AATK: variants seen among roughly 807,000 people sequenced by gnomAD.
AATK encodes serine/threonine-protein kinase LMTK1.
AATK carries 91 observed loss-of-function variants against 114.3 expected under a neutral mutation model. That is an observed-to-expected ratio of 0.80 (90% CI 0.67 to 0.95). The LOEUF (loss-of-function observed/expected upper bound fraction) is 0.95. Among genes scored for constraint, AATK ranks in the 40% least tolerant of loss-of-function variants. The probability of loss-of-function intolerance (pLI) is 0.00; values close to 1 mark genes in which losing one functional copy is unlikely to be tolerated. For missense variants in AATK, 2,176 were observed against 1,965.2 expected (o/e 1.11, Z -2.03); for synonymous variants, 1,075 against 916.5 (o/e 1.17, Z -3.12).
chr17:81,125,901 A>G, intron 7 of AATK: 1 of 471,548 alleles, frequency 2.1e-6, no homozygotes, highest in Non-Finnish European at 4.4e-6. Flanking sequence ...AAAATCACTG[A>G]TGCTGGAGTC....
At chr17:81,165,687 C>A (rs765119924) in intron 1 of AATK, 2 of 1,513,876 alleles carry the variant, frequency 1.3e-6, no homozygotes, top group South Asian at 2.4e-5. Flanking sequence ...GTTACCTGTG[C>A]CCTGGAGGCA....
intron 1 of AATK, among the ~76,000 whole-genome samples, chr17:81,163,270 A>G (rs2061446197): frequency 6.6e-6 from 1 of 152,124 alleles, no homozygotes; most frequent in South Asian, 2.1e-4. Flanking sequence ...CGCACCAGGG[A>G]AGGTGAAGGC....
In AATK at chr17:81,143,634, A is replaced by G. The variant is rs530051074; in HGVS notation, c.56-9133T>C. On this transcript the variant is annotated intron_variant, in intron 1 of 13. Coordinates refer to ENST00000326724, the MANE Select transcript of AATK (RefSeq NM_001080395.3). ...GCCTCCTCGACCCCTCTGGCTTCAC[A>G]GCCTCTCTCCTCAGCACGTCGCCCC... Among the ~76,000 whole-genome samples, 9 of 151,268 alleles carry G rather than the reference A, an allele frequency of 5.9e-5. No homozygotes were observed. The East Asian group carries it at 1.8e-3, about 30-fold the overall frequency.
chr17:81,131,134 C>T lies in AATK; in HGVS notation c.261G>A (p.Gln87=), dbSNP rs1343174007. Residue 87 remains glutamine, a synonymous_variant, in exon 3 of 14, where the codon CAG becomes CAA. Transcript: ENST00000326724. The stretch of plus-strand genomic sequence containing the variant: ...GCAGGACGTACACGTCGGGCCCGTT[C>T]TGTGCTGCCGTGGCCGGGGAGCCCT... The part of the protein sequence containing the change: ...LAQGSPATAA[Q]NGPDVYVLPL... 3 of 1,571,182 alleles carry T rather than the reference C, an allele frequency of 1.9e-6. No individual in the cohort carries two copies. The South Asian group carries it at 3.5e-5, about 18-fold the overall frequency.
intron 1 of AATK, among the ~76,000 whole-genome samples, chr17:81,155,694 C>CT (rs74524013): frequency 5.8e-4 from 80 of 138,630 alleles, no homozygotes; most frequent in Admixed American, 6.3e-4. Context: ...TATAATATTT[C>CT]TTTTTTTTTT....
intron 3 of AATK, among the ~76,000 whole-genome samples, chr17:81,129,078 G>A (rs2060891856): frequency 6.6e-6 from 1 of 152,212 alleles, no homozygotes; most frequent in Admixed American, 6.5e-5. Context: ...CGGGAGGAAG[G>A]GTCAGTGAGG....
intron 3 of AATK, 133 bp downstream of exon 3, chr17:81,130,928 A>G (rs537870291): frequency 4.0e-5 from 46 of 1,145,046 alleles, no homozygotes; most frequent in Middle Eastern, 6.0e-4. Context: ...CACTGCGTCT[A>G]CCCCACAGGC....
At chr17:81,165,797 G>T in intron 1 of AATK, 141 bp downstream of exon 1, 1 of 1,503,752 alleles carries the variant, frequency 6.7e-7, no homozygotes, top group Non-Finnish European at 8.9e-7. Flanking sequence ...GGGCCGCCAG[G>T]GGGTCCGGCT....
rs1208460173 is a variant in AATK at position 81,122,676 on chromosome 17, G to C, written c.1260C>G (p.Gly420=). 1 of 1,521,928 alleles carries C rather than the reference G, an allele frequency of 6.6e-7. No homozygotes were observed. Among genetic ancestry groups the C allele is most frequent in the Non-Finnish European group, 8.8e-7 (1 of 1,131,856 alleles). The allele number at this position is 1,521,928 out of a possible 1,614,324, so 94.3% of individuals were successfully genotyped here. ...CGGGCCCGGGCCCCACGCCGCCCCC[G>C]CCGGGCCGCAGAGAGCGCCAGCGCC... is the stretch of plus-strand genomic sequence containing the variant. ...FERRWRSLRP[G]GGGVGPGPGA... Residue 420 remains glycine, a synonymous_variant, in exon 11 of 14, where the codon GGC becomes GGG. Coordinates refer to ENST00000326724, the MANE Select transcript of AATK (RefSeq NM_001080395.3).
chr17:81,140,684 CGTGGGGCCGTTGAGCT>C (rs1389921868), intron 1 of AATK, among the ~76,000 whole-genome samples: 2 of 107,914 alleles, frequency 1.9e-5, no homozygotes, highest in Non-Finnish European at 3.9e-5. Context: ...ACCATGGGGC[CGTGGGGCCGTTGAGCT>C]GTGGGGCGGT....
chr17:81,124,537 C>T (rs968518939), intron 9 of AATK, among the ~76,000 whole-genome samples, 190 bp downstream of exon 9: 4 of 152,218 alleles, frequency 2.6e-5, no homozygotes, highest in African/African-American at 7.2e-5. Flanking sequence ...GTCCCTGGGG[C>T]ACCCTGTCAG....
intron 1 of AATK, among the ~76,000 whole-genome samples, chr17:81,160,578 C>T (rs1327980679): frequency 6.6e-6 from 1 of 152,228 alleles, no homozygotes; most frequent in Non-Finnish European, 1.5e-5. Context: ...CCAAAGCCCT[C>T]CTGTCACTGT....
Position 81,120,905 on chromosome 17 carries a change from G to A in AATK, c.3031C>T (p.Pro1011Ser). ...LEAEAEATSG[P>S]EKKCGGDRAP... Reference sequence around the variant, plus strand: ...CGGTCCCCGCCGCACTTCTTCTCTGGGCCTGAGGTGGCCTCGGCCTCAGCC... The same window carrying A: ...CGGTCCCCGCCGCACTTCTTCTCTGAGCCTGAGGTGGCCTCGGCCTCAGCC... Residue 1011 changes from proline (P) to serine (S), a missense_variant, in exon 11 of 14, where the codon CCA becomes TCA. By Grantham distance (74) the Pro-to-Ser change is moderately conservative. Around this residue, in one of 4 missense-constraint regions of AATK, gnomAD observed 1,701 missense variants for 1,394.7 expected, o/e 1.22. Coordinates refer to ENST00000326724, the MANE Select transcript of AATK (RefSeq NM_001080395.3). The A allele has an allele frequency of 1.9e-6, 3 of 1,594,348 alleles. No individual in the cohort carries two copies. Among genetic ancestry groups the A allele is most frequent in the Non-Finnish European group, 2.6e-6 (3 of 1,171,028 alleles).
chr17:81,119,036 T>C (rs573661535), intron 13 of AATK, among the ~76,000 whole-genome samples: 21 of 151,946 alleles, frequency 1.4e-4, no homozygotes, highest in Non-Finnish European at 2.1e-4. Flanking sequence ...GGGACCTGGG[T>C]CTGCAGGGAC....
chr17:81,144,842 G>A (rs912785293), intron 1 of AATK, among the ~76,000 whole-genome samples: 1 of 152,214 alleles, frequency 6.6e-6, no homozygotes, highest in Non-Finnish European at 1.5e-5. Context: ...TGCCCTTCCA[G>A]CGTCAAAAGC....
At position 81,126,602 on chromosome 17, in the gene AATK, G is replaced by A. The variant is rs1385568993; in HGVS notation, c.622-42C>T. The A allele has an allele frequency of 3.9e-6, 6 of 1,520,160 alleles. No homozygotes were observed. Among genetic ancestry groups the A allele is most frequent in the African/African-American group, 1.4e-5 (1 of 72,570 alleles). The allele number at this position is 1,520,160 out of a possible 1,614,324, so 94.2% of individuals were successfully genotyped here. A position where few individuals can be genotyped will look rare whatever the true frequency, so the allele number is the denominator to read the frequency against. On this transcript the variant is annotated intron_variant, in intron 6 of 13. Transcript: ENST00000326724. This position sits in a 1 kb window ranked among gnomAD's most constrained non-coding sequence, Gnocchi z 5.1. ...TGGCGCAGTCACCAGCAGGCTGGGG[G>A]CTGGCCACCCTGGGAGGTCCCCACC...
chr17:81,122,259 G>A lies in AATK; in HGVS notation c.1677C>T (p.Asp559=), dbSNP rs1231643548. ...GCAPSPPATA[D]QDDDSDGSTA... is the part of the protein sequence containing the mutation. ...TGCTGCCGTCAGAGTCGTCGTCCTG[G>A]TCCGCGGTGGCAGGTGGACTGGGGG... The change falls in exon 11 of 14, where the codon GAC becomes GAT. Residue 559 remains aspartate, a synonymous_variant. Transcript: ENST00000326724. 1 of 1,495,006 alleles carries A rather than the reference G, an allele frequency of 6.7e-7. No individual in the cohort carries two copies. Among genetic ancestry groups the A allele is most frequent in the Non-Finnish European group, 8.9e-7 (1 of 1,127,190 alleles). The allele number at this position is 1,495,006 out of a possible 1,614,324, so 92.6% of individuals were successfully genotyped here.
intron 2 of AATK, among the ~76,000 whole-genome samples, chr17:81,134,038 C>T (rs2060974681): frequency 6.6e-6 from 1 of 152,182 alleles, no homozygotes; most frequent in Non-Finnish European, 1.5e-5. Context: ...AAGCCCCCTC[C>T]CACACCAGCT....
chr17:81,126,884 A>C lies in AATK; in HGVS notation c.622-324T>G. The C allele has an allele frequency of 8.7e-7, 1 of 1,143,928 alleles. No homozygotes were observed. Among genetic ancestry groups the C allele is most frequent in the Non-Finnish European group, 1.1e-6 (1 of 927,274 alleles). The allele number at this position is 1,143,928 out of a possible 1,614,324, so 70.9% of individuals were successfully genotyped here. ...TGATGGAGTCTGGGGCTGGTGGTCG[A>C]GGGTTGGCCGGCAGCCCCTGACCTG... On this transcript the variant is annotated intron_variant, in intron 6 of 13. Transcript: ENST00000326724. This position sits in a 1 kb window ranked among gnomAD's most constrained non-coding sequence, Gnocchi z 5.1.
Sources: gnomAD v4.1 joint callset for allele counts (sites outside exome capture counted in the v4.1 genomes callset) on GRCh38, gnomAD v4.1.1 for gene constraint, gnomAD v4.1.1 regional missense constraint, Gnocchi (gnomAD v3.1) non-coding constraint, MANE v1.5 for transcripts, NCBI Gene and HGNC (gene_info 2026-07-23, HGNC 2026-07-21) for gene names.